AFG2A: variants seen among roughly 807,000 people sequenced by gnomAD.
The protein encoded by AFG2A is ATPase family gene 2 protein homolog A.
the AFG2A span, among the ~76,000 whole-genome samples, chr4:123,263,722 G>A: frequency 3.2e-4 from 49 of 152,238 alleles, no homozygotes; most frequent in Admixed American, 2.1e-3. Flanking sequence ...AGATGTTGGC[G>A]TGGATGTGCT....
the AFG2A span, among the ~76,000 whole-genome samples, chr4:123,116,303 A>G: frequency 6.6e-6 from 1 of 152,210 alleles, no homozygotes; most frequent in Non-Finnish European, 1.5e-5. Context: ...TTTAAACCAA[A>G]CAAAAATTAT....
At chr4:123,127,551 T>A in the AFG2A span, among the ~76,000 whole-genome samples, 1 of 152,126 alleles carries the variant, frequency 6.6e-6, no homozygotes, top group Admixed American at 6.6e-5. Flanking sequence ...GGTAAACAGT[T>A]TTTTTTAATA....
the AFG2A span, among the ~76,000 whole-genome samples, chr4:122,951,870 C>T: frequency 6.6e-6 from 1 of 152,194 alleles, no homozygotes; most frequent in Admixed American, 6.5e-5. Context: ...AGGAGAGCAT[C>T]TGTGGAGGCT....
the AFG2A span, among the ~76,000 whole-genome samples, chr4:123,095,501 A>C: frequency 6.6e-6 from 1 of 152,142 alleles, no homozygotes; most frequent in South Asian, 2.1e-4. Context: ...TTGTTTCCAC[A>C]CTTGTATGAT....
At chr4:122,928,164 G>C in the AFG2A span, among the ~76,000 whole-genome samples, 2 of 152,200 alleles carry the variant, frequency 1.3e-5, no homozygotes, top group African/African-American at 2.4e-5. Context: ...TCCGGCGATA[G>C]TGACAGTATT....
the AFG2A span, among the ~76,000 whole-genome samples, chr4:123,252,384 G>A: frequency 1.3e-5 from 2 of 152,140 alleles, no homozygotes; most frequent in Non-Finnish European, 2.9e-5. Flanking sequence ...TTGTGAAATG[G>A]TTGTAATATA....
chr4:123,225,900 G>A, the AFG2A span, among the ~76,000 whole-genome samples: 1 of 152,168 alleles, frequency 6.6e-6, no homozygotes, highest in Admixed American at 6.5e-5. Context: ...GCAGTGGTTT[G>A]TAGTTCTCCT....
chr4:123,318,035 G>A, the AFG2A span: 4 of 152,130 alleles, frequency 2.6e-5, no homozygotes, highest in Non-Finnish European at 5.9e-5. Context: ...TACTTTTTGT[G>A]TACCTAAATA....
the AFG2A span, among the ~76,000 whole-genome samples, chr4:123,032,527 G>T: frequency 1.2e-4 from 19 of 152,044 alleles, no homozygotes; most frequent in Non-Finnish European, 2.2e-4. Flanking sequence ...AAGTATCTGG[G>T]GTTACAGGCT....
the AFG2A span, among the ~76,000 whole-genome samples, chr4:123,309,114 G>A: frequency 6.6e-6 from 1 of 152,178 alleles, no homozygotes; most frequent in Non-Finnish European, 1.5e-5. Flanking sequence ...CCCAAAGTAT[G>A]TGCCAAAGAT....
the AFG2A span, among the ~76,000 whole-genome samples, chr4:123,292,970 T>C: frequency 6.6e-6 from 1 of 152,198 alleles, no homozygotes; most frequent in East Asian, 1.9e-4. Context: ...GGCACTGAGG[T>C]CTTTGCAGGA....
chr4:123,134,595 ATTTTTT>A, the AFG2A span, among the ~76,000 whole-genome samples: 5 of 132,692 alleles, frequency 3.8e-5, no homozygotes, highest in East Asian at 2.2e-4. Context: ...GAATTTTAGG[ATTTTTT>A]TTTTTTTTTT....
At chr4:122,960,063 CA>C in the AFG2A span, among the ~76,000 whole-genome samples, 1 of 151,998 alleles carries the variant, frequency 6.6e-6, no homozygotes, top group Admixed American at 6.6e-5. Context: ...GTGACTTGTC[CA>C]AAGAGCTAAT....
the AFG2A span, among the ~76,000 whole-genome samples, chr4:122,950,760 C>G: frequency 2.0e-5 from 3 of 152,240 alleles, no homozygotes; most frequent in Non-Finnish European, 4.4e-5. Context: ...CAAGTTAAGG[C>G]ATAGTGGCAG....
the AFG2A span, among the ~76,000 whole-genome samples, chr4:123,229,809 G>A: frequency 6.6e-6 from 1 of 151,842 alleles, no homozygotes; most frequent in African/African-American, 2.4e-5. Flanking sequence ...TTGACACACT[G>A]GTGCTCTGAG....
At chr4:122,941,542 G>C in the AFG2A span, among the ~76,000 whole-genome samples, 1 of 152,242 alleles carries the variant, frequency 6.6e-6, no homozygotes, top group Non-Finnish European at 1.5e-5. Context: ...GGCTGAGACA[G>C]TGGGGTTTTC....
the AFG2A span, among the ~76,000 whole-genome samples, chr4:122,990,204 A>C: frequency 0.91 from 138,130 of 152,172 alleles, 62,915 homozygotes; most frequent in East Asian, 0.96. Context: ...GTACTCTAAT[A>C]TCTCACTTGG....
At chr4:123,070,040 G>A in the AFG2A span, among the ~76,000 whole-genome samples, 1 of 152,078 alleles carries the variant, frequency 6.6e-6, no homozygotes, top group East Asian at 1.9e-4. Context: ...TTGTAAGTAA[G>A]GCTAAGTAAG....
At chr4:123,162,043 G>A in the AFG2A span, among the ~76,000 whole-genome samples, 1 of 151,994 alleles carries the variant, frequency 6.6e-6, no homozygotes, top group Non-Finnish European at 1.5e-5. Flanking sequence ...AGACCAGGAA[G>A]GAGGAATGTG....
Sources: gnomAD v4.1 joint callset for allele counts (sites outside exome capture counted in the v4.1 genomes callset) on GRCh38, gnomAD v4.1.1 for gene constraint, MANE v1.5 for transcripts, NCBI Gene and HGNC (gene_info 2026-07-23, HGNC 2026-07-21) for gene names.